Variants in BCOR observed in about 807,000 individuals in gnomAD.
The protein encoded by BCOR is BCL-6 corepressor.
In BCOR, 10 loss-of-function variants were observed where a neutral mutation model predicts 86.7. The ratio of observed to expected loss-of-function variants is 0.12; its 90% confidence interval spans 0.07 to 0.20. The LOEUF (loss-of-function observed/expected upper bound fraction) is 0.20, where lower values mean the gene tolerates loss of function less well. Ranked by LOEUF, BCOR falls within the 10% of genes least tolerant of loss-of-function variation. The pLI is 1.00. For synonymous variants in BCOR, 611 were observed against 609.0 expected, an observed-to-expected ratio of 1.00 and a Z score of -0.05; for missense variants, 1,259 against 1,452.1, an observed-to-expected ratio of 0.87 and a Z score of 2.16.
chrX:40,082,330 T>C (rs1936143229), intron 1 of BCOR, among the ~76,000 whole-genome samples: 1 of 108,750 alleles, frequency 9.2e-6, no homozygotes, highest in South Asian at 4.1e-4. Flanking sequence ...ACTTGTCAAG[T>C]GGCACTGACA....
chrX:40,065,579 C>T (rs1196231168), intron 6 of BCOR, among the ~76,000 whole-genome samples: 1 of 112,641 alleles, frequency 8.9e-6, no homozygotes, highest in African/African-American at 3.2e-5. Flanking sequence ...CCTTGAATCA[C>T]CTCAGCCCAA....
intron 1 of BCOR, among the ~76,000 whole-genome samples, chrX:40,116,875 C>T (rs1464865457): frequency 1.8e-5 from 2 of 112,274 alleles, no homozygotes; most frequent in Non-Finnish European, 3.8e-5. Flanking sequence ...TCTTCTGTAG[C>T]TTCCTAAGCA....
intron 1 of BCOR, among the ~76,000 whole-genome samples, chrX:40,167,453 C>A (rs1462243035): frequency 1.8e-5 from 2 of 112,675 alleles, no homozygotes; most frequent in African/African-American, 3.2e-5. Flanking sequence ...AGGGGAGGAT[C>A]GGATGGGTTA....
rs1056178851 is a variant in BCOR, at chrX:40,082,961, G to A, written c.-40-4992C>T. Among the ~76,000 whole-genome samples, 7 of 110,715 alleles carry A rather than the reference G, an allele frequency of 6.3e-5. 2 individuals are homozygous for A. The Admixed American group carries it at 6.7e-4, about 11-fold the overall frequency. On this transcript the variant is annotated intron_variant, in intron 1 of 14. Coordinates refer to ENST00000378444, the MANE Select transcript of BCOR (RefSeq NM_001123385.2). ...TCAGAGCAGGGAGGGAACTTCAGCA[G>A]AACTGTGTAGATTTTACAGAAGCCC... is the stretch of plus-strand genomic sequence containing the variant.
chrX:40,124,407 A>C (rs762732108), intron 1 of BCOR, among the ~76,000 whole-genome samples: 76 of 104,400 alleles, frequency 7.3e-4, no homozygotes, highest in Non-Finnish European at 1.2e-3. Context: ...CAAGTAGCTG[A>C]GACTACAGGC....
intron 1 of BCOR, among the ~76,000 whole-genome samples, chrX:40,104,958 G>A (rs1321560077): frequency 1.8e-5 from 2 of 110,925 alleles, no homozygotes; most frequent in Non-Finnish European, 3.8e-5. Context: ...AGCGAGCTGC[G>A]GGCGGAGGTG....
chrX:40,063,014 C>T lies in BCOR; in HGVS notation c.3905G>A (p.Gly1302Asp). Residue 1302 changes from glycine (G) to aspartate (D), a missense_variant, in exon 9 of 15, where the codon GGC becomes GAC. Physicochemically the swap from Gly to Asp is moderately conservative, Grantham distance 94 (BLOSUM62 -1). This residue lies in a region of BCOR where 305 missense variants were observed against 286.1 expected (regional missense o/e 1.07). Transcript: ENST00000378444. Reference protein sequence around the residue: ...PMKSLSSTSAGGKKQAQPSCA... With the variant: ...PMKSLSSTSADGKKQAQPSCA... ...GCTTGGCTGAGCCTGCTTTTTGCCGCCTGCACTGGTGGATGAAAGACTCTT... is the reference window on the plus strand; with the variant it reads ...GCTTGGCTGAGCCTGCTTTTTGCCGTCTGCACTGGTGGATGAAAGACTCTT... 8.5e-7 allele frequency: 1 copy of T among 1,174,924 alleles called. No individual in the cohort carries two copies. Among genetic ancestry groups the T allele is most frequent in the African/African-American group, 1.8e-5 (1 of 56,380 alleles).
chrX:40,088,117 G>A (rs768808427), intron 1 of BCOR, among the ~76,000 whole-genome samples: 1 of 111,900 alleles, frequency 8.9e-6, no homozygotes, highest in South Asian at 3.7e-4. Flanking sequence ...CTTCAGCCTC[G>A]GTGGCTGGAC....
At chrX:40,069,988 A>C (rs1210153909) in intron 6 of BCOR, among the ~76,000 whole-genome samples, 2 of 112,074 alleles carry the variant, frequency 1.8e-5, no homozygotes, top group Admixed American at 9.4e-5. Flanking sequence ...ATGAGCTGGA[A>C]GTGGAGGGAG....
chrX:40,072,178 G>T, intron 4 of BCOR, 171 bp downstream of exon 4: 1 of 500,881 alleles, frequency 2.0e-6, no homozygotes, highest in Non-Finnish European at 3.4e-6. Context: ...ACACGCCTCA[G>T]TGCTACCACT....
intron 7 of BCOR, 34 bp downstream of exon 7, chrX:40,064,302 C>G: frequency 8.3e-7 from 1 of 1,211,779 alleles, no homozygotes; most frequent in Non-Finnish European, 1.1e-6. Flanking sequence ...AAAGGCCCAC[C>G]CCCCGGCAGG....
At chrX:40,138,157 G>C (rs1248616635) in intron 1 of BCOR, among the ~76,000 whole-genome samples, 1 of 111,647 alleles carries the variant, frequency 9.0e-6, no homozygotes, top group Non-Finnish European at 1.9e-5. Flanking sequence ...TCTCCATGTT[G>C]GTCAGGCTGG....
chrX:40,078,001 G>C, intron 1 of BCOR, 32 bp from the exon 2 acceptor site: 1 of 959,324 alleles, frequency 1.0e-6, no homozygotes, highest in Non-Finnish European at 1.5e-6. Context: ...AATCCCAGGA[G>C]GTTCAGTAAA....
intron 1 of BCOR, among the ~76,000 whole-genome samples, chrX:40,153,100 C>T (rs1938205018): frequency 8.8e-6 from 1 of 113,354 alleles, no homozygotes; most frequent in Non-Finnish European, 1.9e-5. Context: ...TGCCCAGGAC[C>T]GCGGAGCAGT....
intron 1 of BCOR, among the ~76,000 whole-genome samples, chrX:40,136,402 C>T (rs946421790): frequency 6.3e-5 from 7 of 111,797 alleles, no homozygotes; most frequent in African/African-American, 1.3e-4. Flanking sequence ...GCACGTTACT[C>T]GGTCAACCCA....
chrX:40,106,650 CT>C (rs1299189424), intron 1 of BCOR, among the ~76,000 whole-genome samples: 3 of 112,795 alleles, frequency 2.7e-5, no homozygotes, highest in African/African-American at 6.4e-5. Context: ...CACCATTACG[CT>C]AGCAGCCGCT....
At chrX:40,176,117 C>A (rs1938744851) in intron 1 of BCOR, among the ~76,000 whole-genome samples, 1 of 112,817 alleles carries the variant, frequency 8.9e-6, no homozygotes, top group African/African-American at 3.2e-5. Flanking sequence ...AGCGTGAGAC[C>A]GTTCACCACC....
rs1347161453 is a variant in BCOR, at chrX:40,055,473, C to A, written c.4636G>T (p.Val1546Phe). Residue 1546 changes from valine to phenylalanine, a missense_variant, in exon 12 of 15, where the codon GTC (valine) becomes TTC (phenylalanine). Around this residue, in one of 7 missense-constraint regions of BCOR, gnomAD observed 47 missense variants for 102.1 expected, o/e 0.46. Transcript: ENST00000378444. ...DAVENDHLEIVRLLLSYGADP... is the reference protein window; with the variant it reads ...DAVENDHLEIFRLLLSYGADP... ...GCACCATAAGAGAGAAGTAGTCGGA[C>A]AATTTCCAAGTGATCGTTCTCAACA... 1 of 1,211,725 alleles carries A rather than the reference C, an allele frequency of 8.3e-7. No individual in the cohort carries two copies. The highest frequency in any genetic ancestry group is 1.1e-6 in the Non-Finnish European group (1 of 895,402).
intron 1 of BCOR, among the ~76,000 whole-genome samples, chrX:40,168,104 G>A (rs1295493851): frequency 8.9e-6 from 1 of 112,944 alleles, no homozygotes; most frequent in Admixed American, 9.2e-5. Context: ...GCACACGCGC[G>A]CACCCGGCCA....
Sources: gnomAD v4.1 joint callset for allele counts (sites outside exome capture counted in the v4.1 genomes callset) on GRCh38, gnomAD v4.1.1 for gene constraint, gnomAD v4.1.1 regional missense constraint, MANE v1.5 for transcripts, NCBI Gene and HGNC (gene_info 2026-07-23, HGNC 2026-07-21) for gene names.